Variants in KIFAP3 observed in about 807,000 individuals in gnomAD.
KIFAP3 encodes kinesin associated protein 3.
KIFAP3 carries 68 observed loss-of-function variants against 106.5 expected under a neutral mutation model. The ratio of observed to expected loss-of-function variants is 0.64; its 90% CI spans 0.53 to 0.78. The LOEUF (loss-of-function observed/expected upper bound fraction) is 0.78. Among genes scored for constraint, KIFAP3 ranks in the 30% least tolerant of loss-of-function variants. The probability of loss-of-function intolerance (pLI) is 0.00; values close to 1 mark genes in which losing one functional copy is unlikely to be tolerated. For synonymous variants in KIFAP3, 320 were observed against 311.5 expected, an observed-to-expected ratio of 1.03 and a Z score of -0.29; for missense variants, 780 against 941.8, an observed-to-expected ratio of 0.83 and a Z score of 2.25.
At chr1:169,961,736 T>TA (rs1665346469) in intron 17 of KIFAP3, among the ~76,000 whole-genome samples, 1 of 152,182 alleles carries the variant, frequency 6.6e-6, no homozygotes, top group Non-Finnish European at 1.5e-5. Context: ...TTATGATGAT[T>TA]CACTTCCACT....
intron 1 of KIFAP3, among the ~76,000 whole-genome samples, chr1:170,081,347 T>C (rs1270128062): frequency 2.0e-5 from 3 of 152,218 alleles, no homozygotes; most frequent in Admixed American, 1.3e-4. Flanking sequence ...AATACACTAT[T>C]ATACACCTAT....
At position 170,035,486 on chromosome 1, in the gene KIFAP3, T is replaced by G. The variant is rs1669640728; in HGVS notation, c.585A>C (p.Thr195=). The G allele has an allele frequency of 6.2e-7, 1 of 1,609,552 alleles. No homozygotes were observed. Among genetic ancestry groups the G allele is most frequent in the South Asian group, 1.1e-5 (1 of 90,452 alleles). ...AACAAAAAAAGATGTAAATTATGTT[T>G]GTAGCTAACTCGACACTTTGCTTCC... ...EDWKQSVELA[T]NIIYIFFCFS... is the part of the protein sequence containing the mutation. Residue 195 remains threonine, a synonymous_variant, in exon 6 of 20, where the codon ACA becomes ACC. Transcript: ENST00000361580.
intron 10 of KIFAP3, among the ~76,000 whole-genome samples, chr1:170,007,530 G>A (rs1042017548): frequency 6.6e-6 from 1 of 152,074 alleles, no homozygotes; most frequent in Non-Finnish European, 1.5e-5. Context: ...TTGCTACGAA[G>A]AGAATAAGAC....
At chr1:170,060,332 T>C (rs1320952097) in intron 1 of KIFAP3, among the ~76,000 whole-genome samples, 1 of 152,170 alleles carries the variant, frequency 6.6e-6, no homozygotes, top group Non-Finnish European at 1.5e-5. Flanking sequence ...ACAAAATCAA[T>C]GTGCAAAAAT....
intron 11 of KIFAP3, among the ~76,000 whole-genome samples, chr1:169,990,703 C>A (rs1049610151): frequency 6.6e-6 from 1 of 151,890 alleles, no homozygotes; most frequent in East Asian, 1.9e-4. Flanking sequence ...AATCTCTACC[C>A]TTATAACATA....
intron 11 of KIFAP3, among the ~76,000 whole-genome samples, chr1:169,990,453 A>AT (rs1219070622): frequency 2.6e-5 from 4 of 152,164 alleles, no homozygotes; most frequent in Admixed American, 2.6e-4. Flanking sequence ...AATTTTGCTC[A>AT]TATTTCAAAA....
chr1:170,059,546 T>C (rs1408849856), intron 1 of KIFAP3, among the ~76,000 whole-genome samples: 1 of 151,874 alleles, frequency 6.6e-6, no homozygotes, highest in Non-Finnish European at 1.5e-5. Context: ...CCAAAAAAAG[T>C]CCAGGACCAG....
chr1:169,965,060 T>C (rs374180573), intron 17 of KIFAP3, among the ~76,000 whole-genome samples: 8 of 152,108 alleles, frequency 5.3e-5, no homozygotes, highest in Admixed American at 1.3e-4. Context: ...TGTGGACAAA[T>C]TGTCCATACT....
chr1:170,044,411 T>C (rs1670138189), intron 3 of KIFAP3, among the ~76,000 whole-genome samples: 1 of 152,186 alleles, frequency 6.6e-6, no homozygotes, highest in South Asian at 2.1e-4. Flanking sequence ...TGATAGCCTT[T>C]TGTGGAATGC....
chr1:169,939,851 T>C (rs1664011048), intron 19 of KIFAP3, among the ~76,000 whole-genome samples: 1 of 152,142 alleles, frequency 6.6e-6, no homozygotes, highest in Non-Finnish European at 1.5e-5. Flanking sequence ...GTCCATTAGA[T>C]TTGGCAATAT....
At chr1:170,005,537 A>G (rs76186215) in intron 10 of KIFAP3, among the ~76,000 whole-genome samples, 2 of 151,958 alleles carry the variant, frequency 1.3e-5, no homozygotes, top group Non-Finnish European at 2.9e-5. Context: ...ATAAAAAATG[A>G]TGAGTTCATG....
At chr1:169,968,041 T>C (rs1665720008) in intron 17 of KIFAP3, among the ~76,000 whole-genome samples, 2 of 151,910 alleles carry the variant, frequency 1.3e-5, no homozygotes. Flanking sequence ...TTGAAATACT[T>C]CTTTTCACAA....
At chr1:170,076,861 A>G (rs1178940549), upstream of KIFAP3, among the ~76,000 whole-genome samples, 2 of 152,236 alleles carry the variant, frequency 1.3e-5, no homozygotes, top group East Asian at 1.9e-4. Flanking sequence ...AGGAAAAGAA[A>G]TGTTACTTTA....
At chr1:170,015,342 A>G (rs1210937063) in intron 10 of KIFAP3, among the ~76,000 whole-genome samples, 3 of 152,158 alleles carry the variant, frequency 2.0e-5, no homozygotes, top group Non-Finnish European at 4.4e-5. Context: ...ATAATAAGTG[A>G]AAGGTCACAT....
intron 18 of KIFAP3, among the ~76,000 whole-genome samples, chr1:169,957,538 T>C (rs1237158699): frequency 2.0e-5 from 3 of 152,172 alleles, no homozygotes. Context: ...TTATAAACAT[T>C]GTGAATTAAA....
At position 170,024,493 on chromosome 1, in the gene KIFAP3, G is replaced by A. The variant is rs758614868; in HGVS notation, c.945C>T (p.Asp315=). The A allele has an allele frequency of 6.2e-7, 1 of 1,606,130 alleles. No homozygotes were observed. The highest frequency in any genetic ancestry group is 1.3e-5 in the African/African-American group (1 of 74,556). The change falls in exon 9 of 20, where the codon GAC becomes GAT. Residue 315 remains aspartate (D), a synonymous_variant. Transcript: ENST00000361580. The part of the protein sequence containing the change: ...VHMLVKALDR[D]NFELLILVVS... ...CAACTAAAATTAGCAGCTCAAAATT[G>A]TCCCGATCAAGGGCTTTCACCAACA... is the stretch of plus-strand genomic sequence containing the variant.
intron 7 of KIFAP3, among the ~76,000 whole-genome samples, chr1:170,033,248 T>C (rs1669506697): frequency 6.6e-6 from 1 of 151,640 alleles, no homozygotes; most frequent in Non-Finnish European, 1.5e-5. Context: ...TGTCTTGGAG[T>C]TCCATGTGAC....
At chr1:170,069,441 C>T (rs1003623585) in intron 1 of KIFAP3, among the ~76,000 whole-genome samples, 6 of 151,876 alleles carry the variant, frequency 4.0e-5, no homozygotes, top group African/African-American at 1.2e-4. Context: ...TTATGAATGT[C>T]GATGTGAAAA....
At chr1:169,964,050 T>A (rs554113673) in intron 17 of KIFAP3, among the ~76,000 whole-genome samples, 1 of 152,278 alleles carries the variant, frequency 6.6e-6, no homozygotes, top group African/African-American at 2.4e-5. Flanking sequence ...ACTATTCAGA[T>A]ATAAATAATA....
Sources: allele counts gnomAD v4.1 joint callset (sites outside exome capture counted in the v4.1 genomes callset), GRCh38; gene constraint gnomAD v4.1.1; transcripts MANE v1.5; gene names NCBI Gene and HGNC (gene_info 2026-07-23, HGNC 2026-07-21).